Variants in UBQLN1 observed in about 807,000 individuals in gnomAD.
The protein encoded by UBQLN1 is ubiquilin 1.
In UBQLN1, 13 loss-of-function variants were observed where a neutral mutation model predicts 65.4. That is an observed-to-expected ratio of 0.20 (90% confidence interval 0.13 to 0.32). The LOEUF (loss-of-function observed/expected upper bound fraction) is 0.32. Among genes scored for constraint, UBQLN1 ranks in the 10% least tolerant of loss-of-function variants. The probability of loss-of-function intolerance (pLI) is 1.00; values close to 1 mark genes in which losing one functional copy is unlikely to be tolerated. For synonymous variants in UBQLN1, 267 were observed against 247.8 expected, an observed-to-expected ratio of 1.08 and a Z score of -0.73; for missense variants, 561 against 724.0, an observed-to-expected ratio of 0.77 and a Z score of 2.58.
rs757041044 is a variant in UBQLN1 at position 83,677,918 on chromosome 9, G to C, written c.914C>G (p.Ser305Cys). 1.9e-6 allele frequency: 3 copies of C among 1,614,132 alleles called. No homozygotes were observed. Among genetic ancestry groups the C allele is most frequent in the Middle Eastern group, 1.6e-4 (1 of 6,062 alleles). ...PFASLVSNTSSGEGSQPSRTE... is the reference protein window; with the variant it reads ...PFASLVSNTSCGEGSQPSRTE... ...ACGGGAAGGTTGACTACCTTCACCA[G>C]AGGATGTATTGCTCACCAAGGAAGC... The change falls in exon 6 of 11, where the codon TCT (serine) becomes TGT (cysteine). Residue 305 changes from serine to cysteine, a missense_variant. Physicochemically the swap from Ser to Cys is moderately radical, Grantham distance 112. Around this residue, in one of 8 missense-constraint regions of UBQLN1, gnomAD observed 89 missense variants for 77.8 expected, o/e 1.14. Transcript: ENST00000376395.
At chr9:83,699,296 C>A (rs991758645) in intron 1 of UBQLN1, among the ~76,000 whole-genome samples, 4 of 152,180 alleles carry the variant, frequency 2.6e-5, no homozygotes. Context: ...TTCAGTCCTT[C>A]CTTTTGATTA....
intron 2 of UBQLN1, among the ~76,000 whole-genome samples, chr9:83,683,368 GCCACTGCA>G (rs1288408762): frequency 3.7e-5 from 5 of 135,198 alleles, no homozygotes; most frequent in African/African-American, 1.4e-4. Context: ...GCGAGATCGC[GCCACTGCA>G]CTCCGTCCAG....
chr9:83,668,062 C>T, intron 7 of UBQLN1: 1 of 985,298 alleles, frequency 1.0e-6, no homozygotes, highest in South Asian at 4.7e-5. Flanking sequence ...CTTAAAATGG[C>T]TTATTATGGT....
chr9:83,672,509 A>T (rs949014991), intron 6 of UBQLN1, among the ~76,000 whole-genome samples: 5 of 152,154 alleles, frequency 3.3e-5, no homozygotes, highest in Non-Finnish European at 1.5e-5. Flanking sequence ...GAATAGGGAG[A>T]CCCAAGAAGA....
chr9:83,683,228 C>T (rs942363831), intron 2 of UBQLN1, among the ~76,000 whole-genome samples, 162 bp from the exon 3 acceptor site: 5 of 151,994 alleles, frequency 3.3e-5, no homozygotes, highest in South Asian at 4.2e-4. Flanking sequence ...CTGGCTAACA[C>T]AGTGAAACCC....
intron 1 of UBQLN1, among the ~76,000 whole-genome samples, chr9:83,704,155 T>C (rs1198417267): frequency 3.3e-5 from 5 of 152,224 alleles, no homozygotes; most frequent in Non-Finnish European, 5.9e-5. Flanking sequence ...ACTAAATATT[T>C]CCCAATTTCT....
chr9:83,666,895 A>C (rs1426510849), intron 7 of UBQLN1: 1 of 153,570 alleles, frequency 6.5e-6, no homozygotes, highest in African/African-American at 2.4e-5. Flanking sequence ...TAGATCTGAA[A>C]AGGACCACTA....
At chr9:83,683,866 C>T (rs952394724) in intron 2 of UBQLN1, among the ~76,000 whole-genome samples, 2 of 151,956 alleles carry the variant, frequency 1.3e-5, no homozygotes, top group African/African-American at 4.8e-5. Flanking sequence ...TACTAAAATA[C>T]AAAAATTAGC....
intron 1 of UBQLN1, among the ~76,000 whole-genome samples, chr9:83,690,266 T>C (rs1832104965): frequency 6.6e-6 from 1 of 152,140 alleles, no homozygotes; most frequent in Non-Finnish European, 1.5e-5. Context: ...TGACAACAAA[T>C]GAACTACTGC....
chr9:83,667,655 T>A (rs1831663283), intron 7 of UBQLN1: 2 of 985,318 alleles, frequency 2.0e-6, no homozygotes, highest in African/African-American at 3.5e-5. Flanking sequence ...ACATATCTTT[T>A]GGAATTCACT....
At chr9:83,691,152 AT>A (rs1832121788) in intron 1 of UBQLN1, among the ~76,000 whole-genome samples, 2 of 149,634 alleles carry the variant, frequency 1.3e-5, no homozygotes, top group Non-Finnish European at 3.0e-5. Context: ...AATAAAAAAA[AT>A]AAAAAACAAA....
intron 6 of UBQLN1, among the ~76,000 whole-genome samples, chr9:83,677,158 CA>C (rs1831847441): frequency 6.6e-6 from 1 of 152,168 alleles, no homozygotes; most frequent in Admixed American, 6.5e-5. Context: ...ATCTAAAATA[CA>C]AAACCAGGCT....
chr9:83,706,570 C>G (rs1053185429), intron 1 of UBQLN1, among the ~76,000 whole-genome samples: 3 of 152,296 alleles, frequency 2.0e-5, no homozygotes, highest in Non-Finnish European at 2.9e-5. Context: ...ACCAACTGTT[C>G]ACGTTGTTTG....
rs184270142 is a variant in UBQLN1 at position 83,661,743 on chromosome 9, G to A, written c.*44C>T. On this transcript the variant is annotated 3_prime_UTR_variant, in exon 11 of 11. Coordinates refer to ENST00000376395, the MANE Select transcript of UBQLN1 (RefSeq NM_013438.5). ...GCAGGTATTTTAAAGTTTAAGAGCC[G>A]TTATCAAAAATAAATTACATTTTTT... 190 of 1,555,286 alleles carry A rather than the reference G, an allele frequency of 1.2e-4. 2 individuals are homozygous for A. The highest frequency in any genetic ancestry group is 7.0e-4 in the South Asian group (58 of 83,204).
Position 83,707,918 on chromosome 9 carries a change from C to G in UBQLN1, c.-239G>C. 1 of 527,418 alleles carries G rather than the reference C, an allele frequency of 1.9e-6. No individual in the cohort carries two copies. The highest frequency in any genetic ancestry group is 3.5e-5 in the East Asian group (1 of 28,450). The allele number at this position is 527,418 out of a possible 1,614,324, so 32.7% of individuals were successfully genotyped here. A position where few individuals can be genotyped will look rare whatever the true frequency, so the allele number is the denominator to read the frequency against. On this transcript the variant is annotated 5_prime_UTR_variant, in exon 1 of 11. Transcript: ENST00000376395. ...CCGCCGTGTGTTCAGGCGCCGCTCG[C>G]TCACACCGACATCCGCAGCAGCCAC...
chr9:83,686,086 T>A lies in UBQLN1; in HGVS notation c.250A>T (p.Ile84Phe). The change falls in exon 2 of 11, where the codon ATT (isoleucine) becomes TTT (phenylalanine). Residue 84 changes from isoleucine to phenylalanine, a missense_variant. Ile to Phe is a conservative substitution (Grantham distance 21, BLOSUM62 0). This residue lies in a region of UBQLN1 where 18 missense variants were observed against 45.1 expected (regional missense o/e 0.40). Transcript: ENST00000376395. ...CTCAAGGTATCTTGATCTTTCAAAA[T>A]TTTTCCAGCAAATATCAACACAAGT... ...DQLVLIFAGK[I>F]LKDQDTLSQH... 6.2e-7 allele frequency: 1 copy of A among 1,601,350 alleles called. No individual in the cohort carries two copies. The highest frequency in any genetic ancestry group is 8.5e-7 in the Non-Finnish European group (1 of 1,176,594).
chr9:83,667,798 TA>T, intron 7 of UBQLN1: 1 of 973,654 alleles, frequency 1.0e-6, no homozygotes, highest in African/African-American at 1.8e-5. Context: ...TTTAAATATT[TA>T]AAAATCAAAA....
intron 1 of UBQLN1, among the ~76,000 whole-genome samples, chr9:83,704,498 C>T (rs1049879579): frequency 1.3e-5 from 2 of 150,172 alleles, no homozygotes; most frequent in Non-Finnish European, 3.0e-5. Flanking sequence ...TCAGAAAAGG[C>T]TACTTCAGAA....
In UBQLN1 at chr9:83,664,881, C is replaced by T. The variant is rs867543929; in HGVS notation, c.1448+149G>A. The T allele has an allele frequency of 6.4e-5, 36 of 562,302 alleles. No homozygotes were observed. The Admixed American group carries it at 9.9e-4, about 15-fold the overall frequency. The allele number at this position is 562,302 out of a possible 1,614,324, so 34.8% of individuals were successfully genotyped here. On this transcript the variant is annotated intron_variant, in intron 9 of 10. Coordinates refer to ENST00000376395, the MANE Select transcript of UBQLN1 (RefSeq NM_013438.5). ...CTGCAGTGAGCCACAACTGCGCCCC[C>T]ACACTCATAGCCTAGGCGAAGGGCG...
Sources: gnomAD v4.1 joint callset for allele counts (sites outside exome capture counted in the v4.1 genomes callset) on GRCh38, gnomAD v4.1.1 for gene constraint, gnomAD v4.1.1 regional missense constraint, MANE v1.5 for transcripts, NCBI Gene and HGNC (gene_info 2026-07-23, HGNC 2026-07-21) for gene names.